Variants in CXADR observed in about 807,000 individuals in gnomAD.
The protein encoded by CXADR is CXADR cell adhesion molecule.
Under a neutral mutation model 40.3 loss-of-function variants are expected in CXADR, and 20 were observed. That is an observed-to-expected ratio of 0.50 (90% confidence interval 0.35 to 0.72). CXADR has a LOEUF of 0.72. Among genes scored for constraint, CXADR ranks in the 30% least tolerant of loss-of-function variants. The pLI is 0.01. For synonymous variants in CXADR, 150 were observed against 161.3 expected (o/e 0.93, Z 0.53); for missense variants, 332 against 449.1 (o/e 0.74, Z 2.36).
intron 1 of CXADR, among the ~76,000 whole-genome samples, chr21:17,522,306 G>A (rs1340159626): frequency 5.4e-5 from 8 of 148,864 alleles, no homozygotes; most frequent in Non-Finnish European, 4.4e-5. Context: ...GCACCACCAC[G>A]CCTGGGTAAT....
At position 17,559,140 on chromosome 21, in the gene CXADR, G is replaced by T; in HGVS notation, c.571+9G>T. The T allele has an allele frequency of 6.2e-7, 1 of 1,613,478 alleles. No homozygotes were observed. The highest frequency in any genetic ancestry group is 8.5e-7 in the Non-Finnish European group (1 of 1,179,516). Reference sequence around the variant, plus strand: ...CACTTCATGGTTAGCAGGTACTGCTGATAATAGTATTTGTACCACATGCCA... The same window carrying T: ...CACTTCATGGTTAGCAGGTACTGCTTATAATAGTATTTGTACCACATGCCA... On this transcript the variant is annotated intron_variant, in intron 4 of 6. Coordinates refer to ENST00000284878, the MANE Select transcript of CXADR (RefSeq NM_001338.5).
chr21:17,569,155 T>C lies in CXADR; in HGVS notation c.*3463T>C. 1.0e-6 allele frequency: 1 copy of C among 985,444 alleles called. No individual in the cohort carries two copies. The highest frequency in any genetic ancestry group is 1.2e-6 in the Non-Finnish European group (1 of 829,934). The allele number at this position is 985,444 out of a possible 1,614,324, so 61.0% of individuals were successfully genotyped here. On this transcript the variant is annotated 3_prime_UTR_variant, in exon 7 of 7. Coordinates refer to ENST00000284878, the MANE Select transcript of CXADR (RefSeq NM_001338.5). The stretch of plus-strand genomic sequence containing the variant: ...ATATTCTCAGTGTCTTTTGTGTGCG[T>C]GCAGCATGTACATTTGATGTTATGT...
chr21:17,593,920 A>G, downstream of CXADR: 3 of 836,466 alleles, frequency 3.6e-6, no homozygotes, highest in Non-Finnish European at 3.5e-6. Flanking sequence ...ATCAATATCT[A>G]AAGTGCATAT....
the CXADR span, among the ~76,000 whole-genome samples, chr21:17,616,666 G>A: frequency 6.6e-6 from 1 of 152,224 alleles, no homozygotes; most frequent in East Asian, 1.9e-4. Flanking sequence ...ATGTAACATA[G>A]AGGATGTTAC....
chr21:17,566,590 T>G lies in CXADR; in HGVS notation c.*898T>G, dbSNP rs2061211723. 1.0e-6 allele frequency: 1 copy of G among 981,548 alleles called. No individual in the cohort carries two copies. The highest frequency in any genetic ancestry group is 1.1e-4 in the East Asian group (1 of 8,808). 60.8% of individuals were successfully genotyped at this position (981,548 alleles called of 1,614,324 possible). ...TAGAAAAATATTATAACTCATTTGTTGTTTGACACTTATAGATTGAAATTT... is the reference window on the plus strand; with the variant it reads ...TAGAAAAATATTATAACTCATTTGTGGTTTGACACTTATAGATTGAAATTT... On this transcript the variant is annotated 3_prime_UTR_variant, in exon 7 of 7. Coordinates refer to ENST00000284878, the MANE Select transcript of CXADR (RefSeq NM_001338.5).
the CXADR span, among the ~76,000 whole-genome samples, chr21:17,606,783 G>A: frequency 7.6e-4 from 115 of 152,136 alleles, no homozygotes; most frequent in African/African-American, 2.6e-3. Flanking sequence ...AATGTTGACA[G>A]TTTAGTTCTT....
In CXADR at chr21:17,567,556, T is replaced by C. The variant is rs2061226522; in HGVS notation, c.*1864T>C. On this transcript the variant is annotated 3_prime_UTR_variant, in exon 7 of 7. Transcript: ENST00000284878. ...CTATCCTCACATTTTCAAGCTTGCC[T>C]CTTTTCTGTTCTTTGTGGATATAAC... is the stretch of plus-strand genomic sequence containing the variant. 1 of 985,204 alleles carries C rather than the reference T, an allele frequency of 1.0e-6. No homozygotes were observed. The highest frequency in any genetic ancestry group is 6.1e-5 in the Admixed American group (1 of 16,268). 61.0% of individuals were successfully genotyped at this position (985,204 alleles called of 1,614,324 possible).
chr21:17,600,885 T>C, the CXADR span, among the ~76,000 whole-genome samples: 23 of 152,112 alleles, frequency 1.5e-4, no homozygotes, highest in Non-Finnish European at 2.2e-4. Context: ...CTACAGGGGC[T>C]GGGCGCGGTG....
chr21:17,566,576 T>G lies in CXADR; in HGVS notation c.*884T>G, dbSNP rs747932277. On this transcript the variant is annotated 3_prime_UTR_variant, in exon 7 of 7. Transcript: ENST00000284878. ...GATATTTTTCTTATTAGAAAAATAT[T>G]ATAACTCATTTGTTGTTTGACACTT... is the stretch of plus-strand genomic sequence containing the variant. 2.0e-6 allele frequency: 2 copies of G among 981,572 alleles called. No individual in the cohort carries two copies. The highest frequency in any genetic ancestry group is 2.4e-6 in the Non-Finnish European group (2 of 826,446). 60.8% of individuals were successfully genotyped at this position (981,572 alleles called of 1,614,324 possible). A position where few individuals can be genotyped will look rare whatever the true frequency, so the allele number is the denominator to read the frequency against.
chr21:17,613,384 G>A, the CXADR span: 2 of 152,640 alleles, frequency 1.3e-5, no homozygotes, highest in African/African-American at 4.8e-5. Flanking sequence ...TCGACGGGAA[G>A]GGGAACTTGG....
the CXADR span, among the ~76,000 whole-genome samples, chr21:17,607,354 C>T: frequency 9.9e-5 from 15 of 151,644 alleles, no homozygotes; most frequent in African/African-American, 2.2e-4. Context: ...TCTAACTTAA[C>T]GAAAGCTGTT....
intron 1 of CXADR, among the ~76,000 whole-genome samples, chr21:17,514,841 C>G (rs1421031445): frequency 6.6e-6 from 1 of 152,078 alleles, no homozygotes; most frequent in African/African-American, 2.4e-5. Context: ...TCAGGCTGGT[C>G]TCAAACTCCC....
chr21:17,587,368 G>A (rs1317561935), intron 7 of CXADR, among the ~76,000 whole-genome samples: 1 of 152,096 alleles, frequency 6.6e-6, no homozygotes, highest in East Asian at 1.9e-4. Flanking sequence ...GTGTAAAAGT[G>A]TTCCTATTTC....
At chr21:17,526,563 C>G (rs774125013) in intron 1 of CXADR, among the ~76,000 whole-genome samples, 38 of 151,946 alleles carry the variant, frequency 2.5e-4, no homozygotes, top group Non-Finnish European at 8.8e-5. Context: ...ATAGAATGGC[C>G]CCAGGTAATG....
chr21:17,565,101 G>A (rs1411052527), intron 6 of CXADR, among the ~76,000 whole-genome samples: 3 of 152,146 alleles, frequency 2.0e-5, no homozygotes, highest in Non-Finnish European at 4.4e-5. Context: ...GTCTTGACCA[G>A]TGATACTAGA....
intron 7 of CXADR, among the ~76,000 whole-genome samples, chr21:17,591,660 C>A (rs1479533868): frequency 6.6e-6 from 1 of 151,658 alleles, no homozygotes; most frequent in Admixed American, 6.6e-5. Flanking sequence ...TGCAGTTATG[C>A]CTACAAATAC....
chr21:17,530,855 A>T (rs1292520491), intron 1 of CXADR, among the ~76,000 whole-genome samples: 2 of 152,142 alleles, frequency 1.3e-5, no homozygotes, highest in Non-Finnish European at 2.9e-5. Flanking sequence ...ATTATCCTAC[A>T]TGTGTTTTCA....
downstream of CXADR, among the ~76,000 whole-genome samples, chr21:17,594,810 A>C (rs961688599): frequency 6.6e-6 from 1 of 152,008 alleles, no homozygotes; most frequent in African/African-American, 2.4e-5. Flanking sequence ...TTATGAACAC[A>C]AAGAAGGAAA....
intron 1 of CXADR, chr21:17,518,637 G>C (rs2060490892): frequency 6.3e-6 from 10 of 1,596,930 alleles, no homozygotes; most frequent in Non-Finnish European, 8.6e-6. Context: ...CTTGCCGTGG[G>C]AACTGTTCAG....
Sources: gnomAD v4.1 joint callset for allele counts (sites outside exome capture counted in the v4.1 genomes callset) on GRCh38, gnomAD v4.1.1 for gene constraint, MANE v1.5 for transcripts, NCBI Gene and HGNC (gene_info 2026-07-23, HGNC 2026-07-21) for gene names.